PTPRG: variants seen among roughly 807,000 people sequenced by gnomAD.
PTPRG encodes protein tyrosine phosphatase receptor type G.
PTPRG carries 102 observed loss-of-function variants against 165.3 expected under a neutral mutation model. The observed-to-expected ratio is 0.62, with a 90% confidence interval of 0.53 to 0.73. The LOEUF is 0.73. PTPRG is among the 30% of genes least tolerant of loss of function. PTPRG has a pLI of 0.00. For synonymous variants in PTPRG, 675 were observed against 669.5 expected, an observed-to-expected ratio of 1.01 and a Z score of -0.13; for missense variants, 1,866 against 1,861.4, an observed-to-expected ratio of 1.00 and a Z score of -0.05.
intron 1 of PTPRG, among the ~76,000 whole-genome samples, chr3:61,611,898 C>G (rs1701178600): frequency 6.6e-6 from 1 of 152,128 alleles, no homozygotes; most frequent in Non-Finnish European, 1.5e-5. Flanking sequence ...GAGGACTATT[C>G]AAAAGGAAGC....
At chr3:61,717,753 C>T (rs770124295) in intron 1 of PTPRG, among the ~76,000 whole-genome samples, 1 of 151,982 alleles carries the variant, frequency 6.6e-6, no homozygotes, top group Non-Finnish European at 1.5e-5. Context: ...TGAGCCACTG[C>T]ACTCCAGCCT....
At position 62,267,510 on chromosome 3, in the gene PTPRG, T is replaced by C. The variant is rs770434167; in HGVS notation, c.2739+18T>C. 3.8e-6 allele frequency: 6 copies of C among 1,587,320 alleles called. No individual in the cohort carries two copies. Among genetic ancestry groups the C allele is most frequent in the Non-Finnish European group, 4.3e-6 (5 of 1,160,918 alleles). ...ATGTTGATGTAAGTCAGAACTGTTA[T>C]TATAAACCTGTTTCTAGAAATTGAA... On this transcript the variant is annotated intron_variant, in intron 18 of 29. Transcript: ENST00000474889.
intron 2 of PTPRG, among the ~76,000 whole-genome samples, chr3:61,841,728 G>A (rs181121674): frequency 6.6e-6 from 1 of 152,148 alleles, no homozygotes; most frequent in East Asian, 1.9e-4. Flanking sequence ...GTACTACTGT[G>A]GAATAGTAAA....
intron 6 of PTPRG, among the ~76,000 whole-genome samples, chr3:62,152,637 A>G (rs920095066): frequency 1.3e-5 from 2 of 152,240 alleles, no homozygotes; most frequent in Non-Finnish European, 2.9e-5. Context: ...TTTCAGAAAG[A>G]TCACTGCAAA....
intron 10 of PTPRG, 133 bp from the exon 11 acceptor site, chr3:62,201,372 T>C (rs1436233452): frequency 2.8e-6 from 2 of 710,772 alleles, no homozygotes; most frequent in South Asian, 3.1e-5. Flanking sequence ...TTTTAAATGG[T>C]TGGAAAAAAT....
chr3:61,707,254 A>G (rs1452366158), intron 1 of PTPRG, among the ~76,000 whole-genome samples: 1 of 152,260 alleles, frequency 6.6e-6, no homozygotes, highest in East Asian at 1.9e-4. Flanking sequence ...AAGTTTAGTT[A>G]GTATTTGTAT....
At chr3:61,909,000 A>G (rs1322002857) in intron 2 of PTPRG, among the ~76,000 whole-genome samples, 3 of 152,168 alleles carry the variant, frequency 2.0e-5, no homozygotes, top group Admixed American at 1.3e-4. Context: ...CAGAAACACT[A>G]AAAAGGATTT....
intron 6 of PTPRG, among the ~76,000 whole-genome samples, chr3:62,134,427 G>A (rs984382932): frequency 5.9e-5 from 9 of 152,148 alleles, no homozygotes; most frequent in East Asian, 1.9e-4. Context: ...TTCCTCTCCC[G>A]CCAGTCTGCC....
chr3:61,939,607 G>C (rs977723627), intron 2 of PTPRG, among the ~76,000 whole-genome samples: 6 of 152,128 alleles, frequency 3.9e-5, no homozygotes, highest in African/African-American at 1.4e-4. Flanking sequence ...TGGGTTTCTA[G>C]TTTTCAATAA....
chr3:62,117,593 A>G (rs1027476767), intron 5 of PTPRG, among the ~76,000 whole-genome samples: 5 of 152,194 alleles, frequency 3.3e-5, no homozygotes, highest in African/African-American at 1.2e-4. Flanking sequence ...CTATCAATCT[A>G]TCAGTCATTC....
At chr3:61,885,653 CCTTCTCTCCT>C (rs1559669021) in intron 2 of PTPRG, among the ~76,000 whole-genome samples, 1 of 115,828 alleles carries the variant, frequency 8.6e-6, no homozygotes, top group Non-Finnish European at 1.8e-5. Context: ...TCACTCTTTT[CCTTCTCTCCT>C]CTCCTCTCCT....
At chr3:61,824,554 G>C (rs1405689263) in intron 2 of PTPRG, among the ~76,000 whole-genome samples, 1 of 152,220 alleles carries the variant, frequency 6.6e-6, no homozygotes, top group East Asian at 1.9e-4. Flanking sequence ...TTCTCAGCAA[G>C]TATGGTGGCT....
intron 4 of PTPRG, among the ~76,000 whole-genome samples, chr3:62,053,060 T>C (rs1016039058): frequency 1.3e-5 from 2 of 152,108 alleles, no homozygotes; most frequent in African/African-American, 2.4e-5. Flanking sequence ...GTTTCAATAG[T>C]GTTTGACAAA....
intron 6 of PTPRG, among the ~76,000 whole-genome samples, chr3:62,140,125 T>G (rs1195187524): frequency 6.6e-6 from 1 of 152,196 alleles, no homozygotes; most frequent in Non-Finnish European, 1.5e-5. Flanking sequence ...ACATTCACTG[T>G]TTAAAAAGAA....
At chr3:62,165,814 C>T (rs577788338) in intron 7 of PTPRG, among the ~76,000 whole-genome samples, 135 of 152,226 alleles carry the variant, frequency 8.9e-4, no homozygotes, top group African/African-American at 3.2e-3. Context: ...CTCAATTCAT[C>T]GCTTTCTCAT....
intron 2 of PTPRG, among the ~76,000 whole-genome samples, chr3:61,828,554 T>C (rs1473203504): frequency 2.0e-5 from 3 of 152,236 alleles, no homozygotes; most frequent in Non-Finnish European, 4.4e-5. Context: ...AGTGAATGCA[T>C]GGACTTGTAA....
chr3:62,237,849 G>C lies in PTPRG; in HGVS notation c.2376-5958G>C, dbSNP rs1049882105. Among the ~76,000 whole-genome samples the C allele has an allele frequency of 2.6e-5, 4 of 152,120 alleles. No individual in the cohort carries two copies. The highest frequency in any genetic ancestry group is 9.7e-5 in the African/African-American group (4 of 41,410). On this transcript the variant is annotated intron_variant, in intron 14 of 29. Coordinates refer to ENST00000474889, the MANE Select transcript of PTPRG (RefSeq NM_002841.4). The surrounding 1 kb of genome is among the most constrained non-coding windows in gnomAD (Gnocchi z 4.5). ...ACCAGATGCCATACAGATTTGATCA[G>C]CTACTATCACACATTACCCTCTGGA... is the stretch of plus-strand genomic sequence containing the variant.
intron 4 of PTPRG, among the ~76,000 whole-genome samples, chr3:62,017,883 A>T (rs1016661828): frequency 5.3e-5 from 8 of 152,214 alleles, no homozygotes; most frequent in African/African-American, 1.9e-4. Flanking sequence ...AGCAGAGTTA[A>T]AAGGTGTGCC....
At chr3:62,251,857 G>A (rs1701426121) in intron 15 of PTPRG, among the ~76,000 whole-genome samples, 1 of 152,060 alleles carries the variant, frequency 6.6e-6, no homozygotes, top group Admixed American at 6.6e-5. Flanking sequence ...TGGACAAGTT[G>A]CCTCGGTTTC....
Sources: gnomAD v4.1 joint callset for allele counts (sites outside exome capture counted in the v4.1 genomes callset) on GRCh38, gnomAD v4.1.1 for gene constraint, Gnocchi (gnomAD v3.1) non-coding constraint, MANE v1.5 for transcripts, NCBI Gene and HGNC (gene_info 2026-07-23, HGNC 2026-07-21) for gene names.